USH2A: variants seen among roughly 807,000 people sequenced by gnomAD.
USH2A encodes Usher syndrome 2A (autosomal recessive, mild).
A neutral mutation model predicts 538.9 loss-of-function variants in USH2A; 443 were observed. That is an observed-to-expected ratio of 0.82 (90% CI 0.76 to 0.89). The LOEUF is 0.89. Among genes scored for constraint, USH2A ranks in the 40% least tolerant of loss-of-function variants. The pLI is 0.00. For missense variants in USH2A, 6,633 were observed against 6,324.8 expected, an observed-to-expected ratio of 1.05 and a Z score of -1.65; for synonymous variants, 2,413 against 2,273.5, an observed-to-expected ratio of 1.06 and a Z score of -1.75.
At chr1:216,237,337 A>G (rs537231303) in intron 13 of USH2A, among the ~76,000 whole-genome samples, 2 of 152,300 alleles carry the variant, frequency 1.3e-5, no homozygotes, top group African/African-American at 4.8e-5. Context: ...TGGATGAAAT[A>G]AACAGTATTT....
chr1:216,018,249 A>G (rs1375716990), intron 32 of USH2A, among the ~76,000 whole-genome samples: 1 of 152,230 alleles, frequency 6.6e-6, no homozygotes, highest in African/African-American at 2.4e-5. Context: ...GAATTATTGA[A>G]GAGAAATATG....
At chr1:216,337,178 T>C (rs2102673109) in intron 4 of USH2A, among the ~76,000 whole-genome samples, 1 of 151,612 alleles carries the variant, frequency 6.6e-6, no homozygotes, top group African/African-American at 2.4e-5. Context: ...ATATTAATGA[T>C]GACAATGACA....
intron 22 of USH2A, among the ~76,000 whole-genome samples, chr1:216,096,552 A>G (rs60620672): frequency 0.043 from 6,622 of 152,326 alleles, 477 homozygotes; most frequent in African/African-American, 0.15. Context: ...TAATACATAG[A>G]ATCCTAAATC....
At chr1:216,382,127 G>A (rs950512487) in intron 3 of USH2A, among the ~76,000 whole-genome samples, 8 of 152,102 alleles carry the variant, frequency 5.3e-5, no homozygotes, top group African/African-American at 1.7e-4. Context: ...ACATGATGCC[G>A]AGCCCTGAAG....
intron 21 of USH2A, among the ~76,000 whole-genome samples, chr1:216,156,295 C>CTTTTTTTTTTT (rs35698520): frequency 1.2e-4 from 13 of 105,522 alleles, no homozygotes; most frequent in East Asian, 2.6e-4. Flanking sequence ...TTTTTTTTTT[C>CTTTTTTTTTTT]TTTTTTTTTT....
At chr1:215,885,561 T>C in intron 41 of USH2A, among the ~76,000 whole-genome samples, 1 of 152,196 alleles carries the variant, frequency 6.6e-6, no homozygotes, top group Non-Finnish European at 1.5e-5. Flanking sequence ...GACACAACTC[T>C]TTGACATTAT....
At chr1:216,083,184 T>C (rs185844656) in intron 26 of USH2A, among the ~76,000 whole-genome samples, 2 of 152,074 alleles carry the variant, frequency 1.3e-5, no homozygotes, top group Admixed American at 6.6e-5. Context: ...TTTTCATATC[T>C]TAAGATACTA....
chr1:215,793,640 G>A (rs971282902), intron 50 of USH2A, among the ~76,000 whole-genome samples: 1 of 151,996 alleles, frequency 6.6e-6, no homozygotes, highest in Non-Finnish European at 1.5e-5. Flanking sequence ...TTACACCATG[G>A]ACTTCTGTAA....
At chr1:216,329,792 C>G (rs796122774) in intron 4 of USH2A, among the ~76,000 whole-genome samples, 1 of 152,068 alleles carries the variant, frequency 6.6e-6, no homozygotes, top group South Asian at 2.1e-4. Context: ...TAGGCATTCT[C>G]TTTCTGGGAG....
chr1:216,104,634 C>T (rs1002910141), intron 21 of USH2A, among the ~76,000 whole-genome samples: 1 of 152,132 alleles, frequency 6.6e-6, no homozygotes, highest in African/African-American at 2.4e-5. Flanking sequence ...AAAGCTGAAA[C>T]TGGATCCCTT....
chr1:215,771,579 CAAAAAAAAAAAAAAAAAAAAAAAAA>C (rs759067576), intron 55 of USH2A, among the ~76,000 whole-genome samples: 35 of 44,000 alleles, frequency 8.0e-4, no homozygotes, highest in Admixed American at 1.2e-3. Flanking sequence ...GACTCCGTCT[CAAAAAAAAAAAAAAAAAAAAAAAAA>C]AAAAAAAAAA....
At chr1:216,421,057 T>C (rs60458400) in intron 2 of USH2A, among the ~76,000 whole-genome samples, 2,945 of 152,186 alleles carry the variant, frequency 0.019, 81 homozygotes, top group African/African-American at 0.063. Flanking sequence ...CTGTCCTGTA[T>C]ATTAAAATCT....
intron 21 of USH2A, among the ~76,000 whole-genome samples, chr1:216,116,285 TAAAAG>T (rs1449054387): frequency 6.6e-6 from 1 of 152,096 alleles, no homozygotes; most frequent in African/African-American, 2.4e-5. Context: ...TTTATTTTGA[TAAAAG>T]AAATTTCAAA....
chr1:215,656,345 T>G (rs1023076313), intron 64 of USH2A, among the ~76,000 whole-genome samples: 2 of 152,182 alleles, frequency 1.3e-5, no homozygotes, highest in African/African-American at 4.8e-5. Context: ...GTGAAAATAT[T>G]TTATGATTCT....
intron 30 of USH2A, among the ~76,000 whole-genome samples, chr1:216,058,773 C>CA (rs1276797458): frequency 2.0e-5 from 3 of 151,962 alleles, no homozygotes; most frequent in Admixed American, 1.3e-4. Context: ...CAACTCAGCA[C>CA]AAAAAAATAT....
At chr1:216,286,117 G>T (rs527289603) in intron 11 of USH2A, among the ~76,000 whole-genome samples, 1 of 152,254 alleles carries the variant, frequency 6.6e-6, no homozygotes, top group African/African-American at 2.4e-5. Flanking sequence ...GAGAACATGA[G>T]ATTTGGGAGG....
intron 44 of USH2A, among the ~76,000 whole-genome samples, chr1:215,851,805 C>A (rs1317816939): frequency 6.6e-6 from 1 of 151,776 alleles, no homozygotes; most frequent in African/African-American, 2.4e-5. Flanking sequence ...TACTAGATAA[C>A]CAAATCCAAC....
At chr1:216,074,524 A>AT (rs2031683974) in intron 27 of USH2A, among the ~76,000 whole-genome samples, 1 of 152,172 alleles carries the variant, frequency 6.6e-6, no homozygotes, top group African/African-American at 2.4e-5. Context: ...ATGTCTTATT[A>AT]TGCCTTCTAA....
chr1:216,334,244 G>C (rs1247361283), intron 4 of USH2A, among the ~76,000 whole-genome samples: 1 of 151,868 alleles, frequency 6.6e-6, no homozygotes, highest in Admixed American at 6.6e-5. Flanking sequence ...GCAAAATTTT[G>C]CATACTCTTA....
Sources: gnomAD v4.1 joint callset for allele counts (sites outside exome capture counted in the v4.1 genomes callset) on GRCh38, gnomAD v4.1.1 for gene constraint, MANE v1.5 for transcripts, NCBI Gene and HGNC (gene_info 2026-07-23, HGNC 2026-07-21) for gene names.